Variants in ASAP1 observed in about 807,000 individuals in gnomAD.
The protein encoded by ASAP1 is arf-GAP with SH3 domain, ANK repeat and PH domain-containing protein 1.
In ASAP1, 43 loss-of-function variants were observed where a neutral mutation model predicts 145.2. The ratio of observed to expected loss-of-function variants is 0.30; its 90% CI spans 0.23 to 0.38. The LOEUF (loss-of-function observed/expected upper bound fraction) is 0.38, where lower values mean the gene tolerates loss of function less well. ASAP1 is among the 10% of genes least tolerant of loss of function. ASAP1 has a pLI of 1.00. For missense variants in ASAP1, 1,018 were observed against 1,355.3 expected (o/e 0.75, Z 3.91); for synonymous variants, 546 against 515.5 (o/e 1.06, Z -0.80).
At chr8:130,394,103 T>C (rs1286847755) in intron 2 of ASAP1, among the ~76,000 whole-genome samples, 1 of 152,216 alleles carries the variant, frequency 6.6e-6, no homozygotes, top group Non-Finnish European at 1.5e-5. Flanking sequence ...ATATGAAATC[T>C]GGGCACCTTG....
intron 1 of ASAP1, among the ~76,000 whole-genome samples, chr8:130,416,815 C>A (rs1029742196): frequency 6.6e-6 from 1 of 152,218 alleles, no homozygotes; most frequent in African/African-American, 2.4e-5. Flanking sequence ...TGACCACATG[C>A]CACAACCACT....
intron 4 of ASAP1, among the ~76,000 whole-genome samples, chr8:130,220,960 A>G (rs926076766): frequency 6.6e-6 from 1 of 152,170 alleles, no homozygotes; most frequent in Non-Finnish European, 1.5e-5. Flanking sequence ...CCATGATTCA[A>G]TAACTTCCTA....
intron 1 of ASAP1, among the ~76,000 whole-genome samples, chr8:130,434,875 C>T (rs1381227314): frequency 6.6e-6 from 1 of 152,146 alleles, no homozygotes; most frequent in Non-Finnish European, 1.5e-5. Context: ...ACTGACCATA[C>T]ACCGAACAAT....
intron 3 of ASAP1, among the ~76,000 whole-genome samples, chr8:130,241,442 T>C (rs1441022296): frequency 2.0e-5 from 3 of 152,104 alleles, no homozygotes; most frequent in African/African-American, 7.2e-5. Flanking sequence ...CATGGCTGAG[T>C]TCCTAGTCCT....
rs138495590 is a variant in ASAP1 at position 130,133,688 on chromosome 8, CAAA to C, written c.1217+605_1217+607del. On this transcript the variant is annotated intron_variant, in intron 15 of 29. Coordinates refer to ENST00000518721, the MANE Select transcript of ASAP1 (RefSeq NM_018482.4). Reference sequence around the variant, plus strand: ...AAAAACAAACAAACAAACAAACAAACAAAAAAAAAAACAAAAAACTCCAACCCA... The same window carrying C: ...AAAAACAAACAAACAAACAAACAAACAAAAAAAACAAAAAACTCCAACCCA... Among the ~76,000 whole-genome samples the C allele has an allele frequency of 3.2e-3, 440 of 137,742 alleles. 1 individual carries two copies. The highest frequency in any genetic ancestry group is 0.011 in the African/African-American group (414 of 36,392). The allele number at this position is 137,742 out of a possible 152,430, so 90.4% of individuals were successfully genotyped here. A position where few individuals can be genotyped will look rare whatever the true frequency, so the allele number is the denominator to read the frequency against.
At chr8:130,103,591 C>T (rs1592806432) in intron 24 of ASAP1, among the ~76,000 whole-genome samples, 1 of 152,248 alleles carries the variant, frequency 6.6e-6, no homozygotes, top group East Asian at 1.9e-4. Context: ...ACAACCTCTG[C>T]CTCCCGGGTT....
intron 7 of ASAP1, among the ~76,000 whole-genome samples, chr8:130,181,883 C>T (rs1814380068): frequency 6.6e-6 from 1 of 152,184 alleles, no homozygotes; most frequent in Admixed American, 6.5e-5. Context: ...ACTGATTTAT[C>T]CGTCAAGTCT....
At chr8:130,261,181 T>C (rs1202419951) in intron 3 of ASAP1, among the ~76,000 whole-genome samples, 1 of 152,186 alleles carries the variant, frequency 6.6e-6, no homozygotes, top group Non-Finnish European at 1.5e-5. Context: ...ATCCCACTAC[T>C]CTGAAAGTGA....
intron 3 of ASAP1, among the ~76,000 whole-genome samples, chr8:130,317,785 C>T (rs1823755364): frequency 6.6e-6 from 1 of 152,180 alleles, no homozygotes; most frequent in Admixed American, 6.5e-5. Flanking sequence ...AAAAGCCATC[C>T]TTTGTGGCTG....
intron 9 of ASAP1, among the ~76,000 whole-genome samples, chr8:130,176,487 A>T (rs1813961274): frequency 6.6e-6 from 1 of 152,084 alleles, no homozygotes; most frequent in Admixed American, 6.6e-5. Flanking sequence ...ATGTCTCAGA[A>T]CATCTCTCTC....
At chr8:130,116,312 C>T (rs554359851) in intron 22 of ASAP1, among the ~76,000 whole-genome samples, 1 of 152,308 alleles carries the variant, frequency 6.6e-6, no homozygotes, top group East Asian at 1.9e-4. Context: ...ATTTTGAAGA[C>T]CACTACTCTC....
intron 24 of ASAP1, among the ~76,000 whole-genome samples, chr8:130,103,077 T>C (rs138312315): frequency 6.6e-6 from 1 of 152,332 alleles, no homozygotes; most frequent in East Asian, 1.9e-4. Flanking sequence ...GGCTTTTTAT[T>C]ACTGATTCAA....
intron 5 of ASAP1, 142 bp downstream of exon 5, chr8:130,214,414 C>G: frequency 1.4e-6 from 1 of 724,402 alleles, no homozygotes; most frequent in Non-Finnish European, 2.0e-6. Context: ...TGGAAGTTAC[C>G]TAGGACTAAA....
intron 2 of ASAP1, among the ~76,000 whole-genome samples, chr8:130,374,942 A>G (rs1481563953): frequency 6.6e-6 from 1 of 152,224 alleles, no homozygotes; most frequent in Admixed American, 6.5e-5. Context: ...GGATTCCACA[A>G]AAAGAATCAT....
At chr8:130,094,990 G>A in intron 24 of ASAP1, among the ~76,000 whole-genome samples, 1 of 152,158 alleles carries the variant, frequency 6.6e-6, no homozygotes, top group South Asian at 2.1e-4. Flanking sequence ...ATATATGTAT[G>A]AGACTGTAGG....
At chr8:130,241,036 C>T (rs1246758615) in intron 3 of ASAP1, among the ~76,000 whole-genome samples, 1 of 152,116 alleles carries the variant, frequency 6.6e-6, no homozygotes, top group Non-Finnish European at 1.5e-5. Context: ...GCATACCTCT[C>T]CAGGCCGAGT....
chr8:130,283,087 A>C (rs1821349496), intron 3 of ASAP1, among the ~76,000 whole-genome samples: 1 of 152,240 alleles, frequency 6.6e-6, no homozygotes, highest in African/African-American at 2.4e-5. Context: ...AATTTGGTGG[A>C]GCAAACAAAA....
chr8:130,123,005 T>C (rs1322056386), intron 18 of ASAP1, among the ~76,000 whole-genome samples: 1 of 152,238 alleles, frequency 6.6e-6, no homozygotes, highest in Admixed American at 6.5e-5. Flanking sequence ...AGGTCTTATT[T>C]GTTCATGGTA....
chr8:130,235,783 AT>A (rs1818179141), intron 4 of ASAP1, among the ~76,000 whole-genome samples: 1 of 152,110 alleles, frequency 6.6e-6, no homozygotes, highest in African/African-American at 2.4e-5. Flanking sequence ...TTCCAGTTTC[AT>A]TTGGCTAGGG....
Sources: gnomAD v4.1 joint callset for allele counts (sites outside exome capture counted in the v4.1 genomes callset) on GRCh38, gnomAD v4.1.1 for gene constraint, MANE v1.5 for transcripts, NCBI Gene and HGNC (gene_info 2026-07-23, HGNC 2026-07-21) for gene names.